Variants in VCAN observed in about 807,000 individuals in gnomAD.
VCAN encodes the protein versican, also known as versican core protein.
VCAN carries 44 observed loss-of-function variants against 245.5 expected under a neutral mutation model. That is an observed-to-expected ratio of 0.18 (90% CI 0.14 to 0.23). VCAN has a LOEUF of 0.23. Ranked by LOEUF, VCAN falls within the 10% of genes least tolerant of loss-of-function variation. The probability of loss-of-function intolerance (pLI) is 1.00; values close to 1 mark genes in which losing one functional copy is unlikely to be tolerated. For missense variants in VCAN, 3,793 were observed against 4,057.9 expected, an observed-to-expected ratio of 0.93 and a Z score of 1.77; for synonymous variants, 1,413 against 1,437.0, an observed-to-expected ratio of 0.98 and a Z score of 0.38.
At chr5:83,553,159 A>T (rs1747534573) in intron 10 of VCAN, among the ~76,000 whole-genome samples, 1 of 152,164 alleles carries the variant, frequency 6.6e-6, no homozygotes, top group Non-Finnish European at 1.5e-5. Flanking sequence ...TTTGCAATCC[A>T]AAGATATATA....
chr5:83,510,025 C>CT (rs1745604651), intron 5 of VCAN, among the ~76,000 whole-genome samples: 1 of 152,154 alleles, frequency 6.6e-6, no homozygotes, highest in Non-Finnish European at 1.5e-5. Context: ...GTAACTGGCC[C>CT]TGTGACCCTT....
At position 83,519,586 on chromosome 5, in the gene VCAN, C is replaced by G; in HGVS notation, c.1280C>G (p.Thr427Ser). Residue 427 changes from threonine (T) to serine (S), a missense_variant, in exon 7 of 15, where the codon ACT becomes AGT. Transcript: ENST00000265077. ...TTAGCCACCAAATTACCCACACCTA[C>G]TGGCAGTACCAAGAAGCCCTGGGAT... is the stretch of plus-strand genomic sequence containing the variant. The part of the protein sequence containing the change: ...DSLATKLPTP[T>S]GSTKKPWDMD... 6.2e-7 allele frequency: 1 copy of G among 1,614,150 alleles called. No homozygotes were observed. The highest frequency in any genetic ancestry group is 8.5e-7 in the Non-Finnish European group (1 of 1,179,988).
Position 83,515,569 on chromosome 5 carries a change from G to T in VCAN, c.1042+3173G>T, listed in dbSNP as rs1054006779. On this transcript the variant is annotated intron_variant, in intron 6 of 14. Transcript: ENST00000265077. ...TTATCCCTCAGCATCTTCTCCAACT[G>T]AAACAGTTTTCTTGTTTTACAGTTT... is the stretch of plus-strand genomic sequence containing the variant. 3.3e-3 allele frequency among the ~76,000 whole-genome samples: 496 copies of T among 150,498 alleles called. 2 individuals carry two copies. Among genetic ancestry groups the T allele is most frequent in the African/African-American group, 0.012 (475 of 39,840 alleles).
chr5:83,487,774 C>T (rs899026756), intron 2 of VCAN, among the ~76,000 whole-genome samples: 1 of 152,054 alleles, frequency 6.6e-6, no homozygotes, highest in Non-Finnish European at 1.5e-5. Context: ...TCCAACATAC[C>T]TTTTCTTTAC....
intron 7 of VCAN, among the ~76,000 whole-genome samples, chr5:83,534,393 C>T (rs1443491643): frequency 6.6e-6 from 1 of 151,918 alleles, no homozygotes; most frequent in Non-Finnish European, 1.5e-5. Flanking sequence ...CTCGTTTTAA[C>T]TTCATTATTT....
Position 83,537,546 on chromosome 5 carries a change from G to A in VCAN, c.4543G>A (p.Ala1515Thr), listed in dbSNP as rs1746771371. ...PFHEEFESGTAKKGAESVTER... is the reference protein window; with the variant it reads ...PFHEEFESGTTKKGAESVTER... The stretch of plus-strand genomic sequence containing the variant: ...CCATGAGGAATTTGAAAGTGGAACA[G>A]CCAAAAAAGGGGCAGAATCAGTCAC... The change falls in exon 8 of 15, where the codon GCC becomes ACC. Residue 1515 changes from alanine to threonine, a missense_variant. Physicochemically the swap from Ala to Thr is moderately conservative, Grantham distance 58. This residue lies in a region of VCAN where 3,182 missense variants were observed against 3,250.3 expected (regional missense o/e 0.98). Coordinates refer to ENST00000265077, the MANE Select transcript of VCAN (RefSeq NM_004385.5). 1 of 1,613,808 alleles carries A rather than the reference G, an allele frequency of 6.2e-7. No homozygotes were observed. The highest frequency in any genetic ancestry group is 8.5e-7 in the Non-Finnish European group (1 of 1,179,912).
chr5:83,508,954 CAG>C (rs1373147204), intron 5 of VCAN, among the ~76,000 whole-genome samples: 1 of 152,040 alleles, frequency 6.6e-6, no homozygotes, highest in Non-Finnish European at 1.5e-5. Context: ...AAGTTGAGGA[CAG>C]AGTGTGCTAT....
At position 83,537,514 on chromosome 5, in the gene VCAN, T is replaced by C. The variant is rs368636311; in HGVS notation, c.4511T>C (p.Val1504Ala). 10 of 1,613,672 alleles carry C rather than the reference T, an allele frequency of 6.2e-6. No homozygotes were observed. The African/African-American group carries it at 1.2e-4, about 19-fold the overall frequency. Residue 1504 changes from valine to alanine, a missense_variant, in exon 8 of 15, where the codon GTC becomes GCC. Transcript: ENST00000265077. ...GGTGAGCCTGATGTTTTCCCCACAG[T>C]CCCATTCCATGAGGAATTTGAAAGT... ...SGGEPDVFPT[V>A]PFHEEFESGT...
At position 83,542,190 on chromosome 5, in the gene VCAN, C is replaced by T. The variant is rs2112451469; in HGVS notation, c.9187C>T (p.Leu3063=). ...TEVATPPFSL[L]ETSNETDFLI... Reference sequence around the variant, plus strand: ...GGTTGCAACACCACCATTTTCCCTTCTGGAGACTTCTAATGAAACAGATTT... The same window carrying T: ...GGTTGCAACACCACCATTTTCCCTTTTGGAGACTTCTAATGAAACAGATTT... The change falls in exon 8 of 15, where the codon CTG becomes TTG. Residue 3063 remains leucine, a synonymous_variant. Coordinates refer to ENST00000265077, the MANE Select transcript of VCAN (RefSeq NM_004385.5). The T allele has an allele frequency of 6.2e-7, 1 of 1,614,104 alleles. No homozygotes were observed. Among genetic ancestry groups the T allele is most frequent in the Non-Finnish European group, 8.5e-7 (1 of 1,179,980 alleles).
intron 9 of VCAN, 119 bp from the exon 10 acceptor site, chr5:83,547,852 T>A (rs1747293078): frequency 1.3e-6 from 1 of 778,232 alleles, no homozygotes; most frequent in Non-Finnish European, 2.2e-6. Flanking sequence ...ATACTTTTTT[T>A]AAAATCTGAA....
intron 1 of VCAN, among the ~76,000 whole-genome samples, chr5:83,477,080 T>C (rs182038368): frequency 6.6e-6 from 1 of 152,292 alleles, no homozygotes; most frequent in East Asian, 1.9e-4. Context: ...ACTCACTAGC[T>C]GAGAAAACCA....
intron 5 of VCAN, among the ~76,000 whole-genome samples, chr5:83,501,940 A>AT (rs1224978038): frequency 6.6e-6 from 1 of 152,082 alleles, no homozygotes; most frequent in Non-Finnish European, 1.5e-5. Context: ...TCTTTCTGCT[A>AT]TTTTTTAGAT....
chr5:83,519,867 G>A lies in VCAN; in HGVS notation c.1561G>A (p.Val521Ile). The change falls in exon 7 of 15, where the codon GTA becomes ATA. Residue 521 changes from valine (V) to isoleucine (I), a missense_variant. Coordinates refer to ENST00000265077, the MANE Select transcript of VCAN (RefSeq NM_004385.5). Reference protein sequence around the residue: ...KEFPVTETPLVTARMILESKT... With the variant: ...KEFPVTETPLITARMILESKT... ...ATTCCCTGTAACTGAAACACCATTG[G>A]TAACTGCAAGAATGATCCTGGAATC... is the stretch of plus-strand genomic sequence containing the variant. 6.2e-7 allele frequency: 1 copy of A among 1,614,082 alleles called. No homozygotes were observed. Among genetic ancestry groups the A allele is most frequent in the Non-Finnish European group, 8.5e-7 (1 of 1,179,988 alleles).
intron 1 of VCAN, among the ~76,000 whole-genome samples, chr5:83,473,129 C>T (rs1164700915): frequency 6.6e-6 from 1 of 152,136 alleles, no homozygotes; most frequent in Admixed American, 6.5e-5. Context: ...CGGGGGACGT[C>T]CTCGGCTGGA....
chr5:83,542,030 A>G lies in VCAN; in HGVS notation c.9027A>G (p.Glu3009=). ...SERPTLSSSP[E]INPETQAALI... is the part of the protein sequence containing the mutation. ...GGCCCACGCTTTCTTCTTCTCCAGA[A>G]ATAAACCCTGAAACTCAAGCAGCTT... Residue 3009 remains glutamate (E), a synonymous_variant, in exon 8 of 15, where the codon GAA becomes GAG. Coordinates refer to ENST00000265077, the MANE Select transcript of VCAN (RefSeq NM_004385.5). 1 of 1,610,560 alleles carries G rather than the reference A, an allele frequency of 6.2e-7. No homozygotes were observed. Among genetic ancestry groups the G allele is most frequent in the Non-Finnish European group, 8.5e-7 (1 of 1,177,442 alleles).
At chr5:83,576,362 T>C (rs1748478151) in intron 13 of VCAN, among the ~76,000 whole-genome samples, 1 of 152,160 alleles carries the variant, frequency 6.6e-6, no homozygotes, top group South Asian at 2.1e-4. Flanking sequence ...TTCAGCATTA[T>C]GTTTGTGAGA....
chr5:83,484,101 A>T (rs1409291565), intron 2 of VCAN, among the ~76,000 whole-genome samples: 2 of 152,190 alleles, frequency 1.3e-5, no homozygotes, highest in African/African-American at 4.8e-5. Flanking sequence ...GGGCTCTATA[A>T]TTCCAAATTT....
intron 12 of VCAN, among the ~76,000 whole-genome samples, chr5:83,562,907 G>A (rs1291371030): frequency 6.6e-6 from 1 of 152,114 alleles, no homozygotes; most frequent in Admixed American, 6.6e-5. Flanking sequence ...CTGCTTTGTA[G>A]GGCAGTGAGC....
rs752454359 is a variant in VCAN at position 83,541,394 on chromosome 5, T to C, written c.8391T>C (p.Asp2797=). The C allele has an allele frequency of 1.9e-6, 3 of 1,614,012 alleles. No homozygotes were observed. In the African/African-American group the frequency reaches 4.0e-5, roughly 22 times the overall value. Residue 2797 remains aspartate (D), a synonymous_variant, in exon 8 of 15, where the codon GAT becomes GAC. Transcript: ENST00000265077. ...LMDQSVTEVP[D]VMEGSNPPYY... The stretch of plus-strand genomic sequence containing the variant: ...ATCAGAGTGTAACAGAGGTGCCTGA[T>C]GTGATGGAAGGATCCAATCCCCCAT...
Sources: gnomAD v4.1 joint callset for allele counts (sites outside exome capture counted in the v4.1 genomes callset) on GRCh38, gnomAD v4.1.1 for gene constraint, gnomAD v4.1.1 regional missense constraint, MANE v1.5 for transcripts, NCBI Gene and HGNC (gene_info 2026-07-23, HGNC 2026-07-21) for gene names.